Variants in XPO6 observed in about 807,000 individuals in gnomAD.
XPO6 encodes exportin 6, also known as exportin-6.
A neutral mutation model predicts 130.0 loss-of-function variants in XPO6; 3 were observed. The ratio of observed to expected loss-of-function variants is 0.02; its 90% CI spans 0.01 to 0.06. XPO6 has a LOEUF of 0.06. Ranked by LOEUF, XPO6 falls within the 10% of genes least tolerant of loss-of-function variation. The pLI, the probability that XPO6 is intolerant of heterozygous loss-of-function variation, is 1.00. For synonymous variants in XPO6, 524 were observed against 548.9 expected, an observed-to-expected ratio of 0.95 and a Z score of 0.63; for missense variants, 970 against 1,393.0, an observed-to-expected ratio of 0.70 and a Z score of 4.83.
At chr16:28,142,890 T>C (rs937000971) in intron 9 of XPO6, among the ~76,000 whole-genome samples, 1 of 152,174 alleles carries the variant, frequency 6.6e-6, no homozygotes, top group Admixed American at 6.5e-5. Flanking sequence ...TTTTAAGTTT[T>C]TGTAGAGACA....
At chr16:28,172,249 C>T (rs1330292740) in intron 4 of XPO6, among the ~76,000 whole-genome samples, 1 of 152,208 alleles carries the variant, frequency 6.6e-6, no homozygotes, top group Non-Finnish European at 1.5e-5. Context: ...AAAATAGTGT[C>T]TCCCTTTACC....
At chr16:28,157,708 T>A (rs1010931881) in intron 6 of XPO6, among the ~76,000 whole-genome samples, 13 of 152,152 alleles carry the variant, frequency 8.5e-5, no homozygotes, top group Non-Finnish European at 1.9e-4. Context: ...GATTTCAAAT[T>A]CATTAGTAAT....
At position 28,211,735 on chromosome 16, in the gene XPO6, T is replaced by G. The variant is rs2044137141; in HGVS notation, c.-367A>C. 5.6e-6 allele frequency: 2 copies of G among 357,410 alleles called. No homozygotes were observed. The highest frequency in any genetic ancestry group is 4.7e-5 in the Admixed American group (1 of 21,274). 22.1% of individuals were successfully genotyped at this position (357,410 alleles called of 1,614,324 possible). Reference sequence around the variant, plus strand: ...GCTCCCCGGCCTCCGCGGGCAGAGGTGGCGGCGGCCCCGGCCCCGAGGCTG... The same window carrying G: ...GCTCCCCGGCCTCCGCGGGCAGAGGGGGCGGCGGCCCCGGCCCCGAGGCTG... On this transcript the variant is annotated 5_prime_UTR_variant, in exon 1 of 24. Coordinates refer to ENST00000304658, the MANE Select transcript of XPO6 (RefSeq NM_015171.4).
At position 28,168,887 on chromosome 16, in the gene XPO6, T is replaced by C. The variant is rs147692477; in HGVS notation, c.565+863A>G. Among the ~76,000 whole-genome samples, 300 of 152,090 alleles carry C rather than the reference T, an allele frequency of 2.0e-3. 2 individuals carry two copies. The highest frequency in any genetic ancestry group is 6.7e-3 in the African/African-American group (279 of 41,474). Reference sequence around the variant, plus strand: ...ACCTCAGCCTCCCAAAGCACTGGGATTACAGGTGTGAGCCATTGCACTAAC... The same window carrying C: ...ACCTCAGCCTCCCAAAGCACTGGGACTACAGGTGTGAGCCATTGCACTAAC... On this transcript the variant is annotated intron_variant, in intron 5 of 23. Transcript: ENST00000304658.
chr16:28,126,911 C>G (rs1303529867), intron 12 of XPO6, among the ~76,000 whole-genome samples: 1 of 152,162 alleles, frequency 6.6e-6, no homozygotes, highest in Non-Finnish European at 1.5e-5. Context: ...GCTCCCTCCC[C>G]CTACTTCAGT....
At chr16:28,153,317 C>T in intron 7 of XPO6, 1 of 985,974 alleles carries the variant, frequency 1.0e-6, no homozygotes, top group Non-Finnish European at 1.2e-6. Flanking sequence ...CAACCCAATA[C>T]TCTAAAAGTG....
chr16:28,126,033 T>C (rs1342739041), intron 12 of XPO6, among the ~76,000 whole-genome samples, 185 bp from the exon 13 acceptor site: 2 of 152,296 alleles, frequency 1.3e-5, no homozygotes, highest in East Asian at 3.9e-4. Context: ...CACCTAACAC[T>C]ACACGTTTGT....
In XPO6 at chr16:28,211,766, G is replaced by A; in HGVS notation, c.-398C>T. 3.2e-6 allele frequency: 1 copy of A among 316,236 alleles called. No homozygotes were observed. Among genetic ancestry groups the A allele is most frequent in the Non-Finnish European group, 5.7e-6 (1 of 173,922 alleles). 19.6% of individuals were successfully genotyped at this position (316,236 alleles called of 1,614,324 possible). On this transcript the variant is annotated 5_prime_UTR_variant, in exon 1 of 24. Coordinates refer to ENST00000304658, the MANE Select transcript of XPO6 (RefSeq NM_015171.4). The stretch of plus-strand genomic sequence containing the variant: ...CGGCCCCGGCCCCGAGGCTGAACGG[G>A]CGGAGGCTGACAGGCCTCGACCGCG...
chr16:28,176,224 T>C (rs930291382), intron 3 of XPO6, 129 bp from the exon 4 acceptor site: 29 of 778,692 alleles, frequency 3.7e-5, no homozygotes, highest in Admixed American at 8.3e-5. Flanking sequence ...TGGGGCAATA[T>C]GGCAATAAGA....
intron 15 of XPO6, among the ~76,000 whole-genome samples, chr16:28,114,210 A>C (rs1444290662): frequency 6.6e-6 from 1 of 151,942 alleles, no homozygotes. Flanking sequence ...AAAAAAAAAA[A>C]AAAAAAACCA....
intron 18 of XPO6, 128 bp downstream of exon 18, chr16:28,107,394 C>A (rs1262520362): frequency 8.9e-7 from 1 of 1,124,612 alleles, no homozygotes; most frequent in Admixed American, 2.1e-5. Flanking sequence ...CCCCTCAGTA[C>A]CGGGTTTCGT....
intron 1 of XPO6, among the ~76,000 whole-genome samples, chr16:28,207,569 A>T (rs954535537): frequency 3.9e-5 from 6 of 152,232 alleles, no homozygotes; most frequent in Non-Finnish European, 8.8e-5. Context: ...TGTGAAGGTC[A>T]ACAGGGATAG....
intron 2 of XPO6, among the ~76,000 whole-genome samples, chr16:28,177,619 T>C (rs574339133): frequency 6.6e-5 from 10 of 152,336 alleles, no homozygotes; most frequent in African/African-American, 2.2e-4. Flanking sequence ...TTTAAGCTAA[T>C]GTGTGGCTGG....
At chr16:28,153,633 A>T in intron 7 of XPO6, 1 of 985,432 alleles carries the variant, frequency 1.0e-6, no homozygotes, top group African/African-American at 1.7e-5. Context: ...CACATTTCAG[A>T]AACTGTCATT....
At chr16:28,175,404 C>A (rs531279288) in intron 4 of XPO6, among the ~76,000 whole-genome samples, 1 of 152,188 alleles carries the variant, frequency 6.6e-6, no homozygotes, top group Non-Finnish European at 1.5e-5. Context: ...ACCCCCCAAC[C>A]CTTCCTGGCC....
chr16:28,182,762 A>T (rs1421798446), intron 1 of XPO6, among the ~76,000 whole-genome samples: 1 of 152,214 alleles, frequency 6.6e-6, no homozygotes, highest in African/African-American at 2.4e-5. Context: ...TGTTGATCAA[A>T]ACAGCCTCAC....
intron 15 of XPO6, among the ~76,000 whole-genome samples, chr16:28,114,382 A>G (rs759552932): frequency 2.6e-5 from 4 of 152,218 alleles, no homozygotes; most frequent in Admixed American, 6.5e-5. Context: ...CATACCTCAG[A>G]GATACTGCAG....
Position 28,101,082 on chromosome 16 carries a change from T to G in XPO6, c.3276+376A>C, listed in dbSNP as rs919520195. 3.0e-6 allele frequency: 1 copy of G among 337,174 alleles called. No individual in the cohort carries two copies. Among genetic ancestry groups the G allele is most frequent in the Non-Finnish European group, 5.8e-6 (1 of 173,502 alleles). The allele number at this position is 337,174 out of a possible 1,614,324, so 20.9% of individuals were successfully genotyped here. On this transcript the variant is annotated intron_variant, in intron 23 of 23. Transcript: ENST00000304658. The surrounding 1 kb of genome is among the most constrained non-coding windows in gnomAD (Gnocchi z 5.4). Reference sequence around the variant, plus strand: ...GTGCAGCTCCCAAGCACCAACCATCTCAGCCTGAATGCAAGCCTGGGCACA... The same window carrying G: ...GTGCAGCTCCCAAGCACCAACCATCGCAGCCTGAATGCAAGCCTGGGCACA...
chr16:28,180,594 G>T (rs1405663810), intron 2 of XPO6, among the ~76,000 whole-genome samples: 1 of 152,108 alleles, frequency 6.6e-6, no homozygotes, highest in Non-Finnish European at 1.5e-5. Flanking sequence ...CTATTCAGGA[G>T]GCTGAGATGG....
Sources: gnomAD v4.1 joint callset for allele counts (sites outside exome capture counted in the v4.1 genomes callset) on GRCh38, gnomAD v4.1.1 for gene constraint, Gnocchi (gnomAD v3.1) non-coding constraint, MANE v1.5 for transcripts, NCBI Gene and HGNC (gene_info 2026-07-23, HGNC 2026-07-21) for gene names.